The following SLC45A4 variants were observed in gnomAD, a reference collection of about 807,000 sequenced individuals.
SLC45A4 encodes the protein solute carrier family 45 member 4, also known as polyamine-transporter SLC45A4.
SLC45A4 carries 32 observed loss-of-function variants against 63.7 expected under a neutral mutation model. That is an observed-to-expected ratio of 0.50 (90% CI 0.38 to 0.67). The LOEUF is 0.67. SLC45A4 is among the 30% of genes least tolerant of loss of function. The pLI, the probability that SLC45A4 is intolerant of heterozygous loss-of-function variation, is 0.00. For synonymous variants in SLC45A4, 535 were observed against 510.0 expected, an observed-to-expected ratio of 1.05 and a Z score of -0.66; for missense variants, 1,027 against 1,157.7, an observed-to-expected ratio of 0.89 and a Z score of 1.64.
chr8:141,236,163 G>C (rs965768511), intron 2 of SLC45A4, among the ~76,000 whole-genome samples: 1 of 152,172 alleles, frequency 6.6e-6, no homozygotes, highest in Non-Finnish European at 1.5e-5. Context: ...TGCCTGCGTA[G>C]AGCCTGCAGT....
In SLC45A4 at chr8:141,221,698, A is replaced by C; in HGVS notation, c.309T>G (p.Pro103=). The C allele has an allele frequency of 6.2e-7, 1 of 1,614,058 alleles. No individual in the cohort carries two copies. Among genetic ancestry groups the C allele is most frequent in the Non-Finnish European group, 8.5e-7 (1 of 1,180,022 alleles). The change falls in exon 3 of 9, where the codon CCT becomes CCG. Residue 103 remains proline (P), a synonymous_variant. Transcript: ENST00000517878. Reference sequence around the variant, plus strand: ...ACCGGTCACTCGCAGACCCAATGAGAGGTGTGAAGATGAGGCCAAGGATGG... The same window carrying C: ...ACCGGTCACTCGCAGACCCAATGAGCGGTGTGAAGATGAGGCCAAGGATGG... ...LSPILGLIFT[P]LIGSASDRCT...
chr8:141,285,918 C>A (rs1318509018), intron 1 of SLC45A4, among the ~76,000 whole-genome samples: 16 of 152,354 alleles, frequency 1.1e-4, no homozygotes, highest in Non-Finnish European at 1.5e-5. Context: ...CACAACAGAA[C>A]AGGGCCGGGC....
intron 1 of SLC45A4, among the ~76,000 whole-genome samples, chr8:141,299,010 T>C (rs1830655249): frequency 6.6e-6 from 1 of 151,222 alleles, no homozygotes. Flanking sequence ...CACCAGGCGC[T>C]GCTCCAGAGG....
At chr8:141,212,624 G>GT (rs1005240559) in intron 7 of SLC45A4, 68 bp from the exon 8 acceptor site, 49 of 1,491,984 alleles carry the variant, frequency 3.3e-5, no homozygotes, top group Non-Finnish European at 3.8e-5. Context: ...CTTCACAACT[G>GT]TGAGTATTAA....
In SLC45A4 at chr8:141,278,528, G is replaced by A. The variant is rs1829819056; in HGVS notation, c.-400-23899C>T. Among the ~76,000 whole-genome samples, 1 of 151,556 alleles carries A rather than the reference G, an allele frequency of 6.6e-6. No individual in the cohort carries two copies. The highest frequency in any genetic ancestry group is 1.5e-5 in the Non-Finnish European group (1 of 67,902). ...GAGGCGGGGCGGGCGGCCGACCCAC[G>A]AGGACACTGGTGAGACAGGGGTGAG... is the stretch of plus-strand genomic sequence containing the variant. On this transcript the variant is annotated intron_variant, in intron 1 of 8. Coordinates refer to ENST00000517878, the MANE Select transcript of SLC45A4 (RefSeq NM_001286646.2). The surrounding 1 kb of genome is among the most constrained non-coding windows in gnomAD (Gnocchi z 4.1).
intron 1 of SLC45A4, among the ~76,000 whole-genome samples, chr8:141,286,327 G>A (rs1195111105): frequency 6.6e-6 from 1 of 152,154 alleles, no homozygotes; most frequent in Non-Finnish European, 1.5e-5. Context: ...ACCACCCTGC[G>A]TGAGACATGG....
At chr8:141,221,917 T>G in intron 2 of SLC45A4, 152 bp from the exon 3 acceptor site, 1 of 766,372 alleles carries the variant, frequency 1.3e-6, no homozygotes, top group African/African-American at 1.8e-5. Context: ...TAGACTTTCC[T>G]TTTTCTGCAA....
chr8:141,304,428 G>A (rs1188273063), intron 1 of SLC45A4, among the ~76,000 whole-genome samples: 2 of 152,062 alleles, frequency 1.3e-5, no homozygotes, highest in East Asian at 3.9e-4. Context: ...GCATGGTGAT[G>A]TGCACCTGTA....
intron 1 of SLC45A4, among the ~76,000 whole-genome samples, chr8:141,273,781 G>C (rs370704118): frequency 2.0e-5 from 3 of 152,250 alleles, no homozygotes; most frequent in African/African-American, 7.2e-5. Flanking sequence ...AGTGAACGTC[G>C]TGCTACGAAA....
chr8:141,238,182 T>C (rs1827724324), intron 2 of SLC45A4, among the ~76,000 whole-genome samples: 1 of 152,194 alleles, frequency 6.6e-6, no homozygotes, highest in African/African-American at 2.4e-5. Context: ...CCTCTCCCAC[T>C]GGACTAGAGT....
rs745745921 is a variant in SLC45A4, at chr8:141,218,349, C to T, written c.1291G>A (p.Gly431Ser). 1.6e-5 allele frequency: 26 copies of T among 1,608,040 alleles called. No individual in the cohort carries two copies. Among genetic ancestry groups the T allele is most frequent in the Middle Eastern group, 1.6e-4 (1 of 6,082 alleles). Residue 431 changes from glycine to serine, a missense_variant, in exon 5 of 9, where the codon GGC becomes AGC. By Grantham distance (56) the Gly-to-Ser change is moderately conservative (BLOSUM62 0). Transcript: ENST00000517878. ...CGGTAGCAGTGGGACCCAAGCTTGC[C>T]GTAGTAGGAGAAGGTGCTGGAGGCC... ...RQASSTFSYY[G>S]KLGSHCYRYR... is the part of the protein sequence containing the mutation.
intron 1 of SLC45A4, among the ~76,000 whole-genome samples, chr8:141,280,708 C>T (rs563686398): frequency 2.0e-5 from 3 of 152,146 alleles, no homozygotes; most frequent in Non-Finnish European, 2.9e-5. Context: ...GGTTTTTGTT[C>T]GTGTAATGCG....
chr8:141,296,913 G>A (rs577001157), intron 1 of SLC45A4, among the ~76,000 whole-genome samples: 3 of 151,166 alleles, frequency 2.0e-5, no homozygotes, highest in African/African-American at 4.9e-5. Context: ...AAGAAGGGGC[G>A]ATGTTTGAAC....
intron 1 of SLC45A4, among the ~76,000 whole-genome samples, chr8:141,290,084 A>G (rs1205503541): frequency 6.6e-6 from 1 of 152,234 alleles, no homozygotes; most frequent in South Asian, 2.1e-4. Flanking sequence ...CAGTACTATC[A>G]TTATACATCA....
intron 2 of SLC45A4, among the ~76,000 whole-genome samples, chr8:141,230,586 G>A (rs1243989199): frequency 6.6e-6 from 1 of 152,248 alleles, no homozygotes; most frequent in African/African-American, 2.4e-5. Context: ...TGGCTGGGGG[G>A]CCGCCAGGAG....
rs558784083 is a variant in SLC45A4 at position 141,256,706 on chromosome 8, T to TC, written c.-400-2078dup. 2 of 442,528 alleles carry TC rather than the reference T, an allele frequency of 4.5e-6. No individual in the cohort carries two copies. Among genetic ancestry groups the TC allele is most frequent in the African/African-American group, 4.0e-5 (2 of 49,758 alleles). 27.4% of individuals were successfully genotyped at this position (442,528 alleles called of 1,614,324 possible). Reference sequence around the variant, plus strand: ...GCTACCTATGTATTTGCTTCTTACGTCCCCTGAACGTCGCTACGATTCCAC... The same window carrying TC: ...GCTACCTATGTATTTGCTTCTTACGTCCCCCTGAACGTCGCTACGATTCCAC... On this transcript the variant is annotated intron_variant, in intron 1 of 8. Coordinates refer to ENST00000517878, the MANE Select transcript of SLC45A4 (RefSeq NM_001286646.2). The surrounding 1 kb of genome is among the most constrained non-coding windows in gnomAD (Gnocchi z 4.3).
At chr8:141,244,961 G>A (rs992872236) in intron 2 of SLC45A4, among the ~76,000 whole-genome samples, 2 of 125,054 alleles carry the variant, frequency 1.6e-5, no homozygotes, top group Non-Finnish European at 3.5e-5. Flanking sequence ...CGTGGGTGGG[G>A]GGGGGGGGCG....
At chr8:141,298,903 T>TG (rs1367416887) in intron 1 of SLC45A4, among the ~76,000 whole-genome samples, 8 of 150,094 alleles carry the variant, frequency 5.3e-5, no homozygotes, top group Non-Finnish European at 1.0e-4. Context: ...CACTTTTCAG[T>TG]GGGGGGTGGG....
intron 1 of SLC45A4, among the ~76,000 whole-genome samples, chr8:141,288,389 G>C (rs1361288988): frequency 1.3e-5 from 2 of 152,222 alleles, no homozygotes; most frequent in African/African-American, 2.4e-5. Flanking sequence ...AATGCAAATT[G>C]CAAGCGCATC....
Sources: gnomAD v4.1 joint callset for allele counts (sites outside exome capture counted in the v4.1 genomes callset) on GRCh38, gnomAD v4.1.1 for gene constraint, Gnocchi (gnomAD v3.1) non-coding constraint, MANE v1.5 for transcripts, NCBI Gene and HGNC (gene_info 2026-07-23, HGNC 2026-07-21) for gene names.